Variants in HS1BP3 observed in about 807,000 individuals in gnomAD.
The protein encoded by HS1BP3 is HCLS1 binding protein 3.
In HS1BP3, 32 loss-of-function variants were observed where a neutral mutation model predicts 33.5. That is an observed-to-expected ratio of 0.95 (90% confidence interval 0.72 to 1.28). The LOEUF is 1.28. Among genes scored for constraint, HS1BP3 ranks in the 50% most tolerant of loss-of-function variants. HS1BP3 has a pLI of 0.00. For synonymous variants in HS1BP3, 187 were observed against 209.2 expected (o/e 0.89, Z 0.92); for missense variants, 486 against 502.3 (o/e 0.97, Z 0.31).
downstream of HS1BP3, among the ~76,000 whole-genome samples, chr2:20,614,789 C>T (rs557612246): frequency 2.0e-5 from 3 of 152,330 alleles, no homozygotes; most frequent in East Asian, 3.9e-4. Flanking sequence ...AATAAAGAGT[C>T]GGCTTACCGA....
Position 20,618,758 on chromosome 2 carries a change from T to A in HS1BP3, c.*229A>T. 5 of 1,355,230 alleles carry A rather than the reference T, an allele frequency of 3.7e-6. No homozygotes were observed. The highest frequency in any genetic ancestry group is 4.7e-6 in the Non-Finnish European group (5 of 1,057,114). 84.0% of individuals were successfully genotyped at this position (1,355,230 alleles called of 1,614,324 possible). Reference sequence around the variant, plus strand: ...CATGTCCACGGGGAATAAGACACATTGGGCTCTGGCTCCTAGGGTGAGAGC... The same window carrying A: ...CATGTCCACGGGGAATAAGACACATAGGGCTCTGGCTCCTAGGGTGAGAGC... On this transcript the variant is annotated 3_prime_UTR_variant, in exon 7 of 7. Transcript: ENST00000304031.
At chr2:20,580,884 G>A (rs1207302117) in intron 5 of HS1BP3, among the ~76,000 whole-genome samples, 1 of 152,214 alleles carries the variant, frequency 6.6e-6, no homozygotes, top group Non-Finnish European at 1.5e-5. Context: ...AGTGTGCATG[G>A]ACCATGTGAA....
At chr2:20,629,714 CATG>C (rs1468282030) in intron 4 of HS1BP3, among the ~76,000 whole-genome samples, 1 of 152,234 alleles carries the variant, frequency 6.6e-6, no homozygotes, top group Non-Finnish European at 1.5e-5. Flanking sequence ...GTTGCATGCA[CATG>C]TGTGCATGGA....
chr2:20,640,833 C>G (rs190571094), intron 3 of HS1BP3, 140 bp downstream of exon 3: 1 of 785,774 alleles, frequency 1.3e-6, no homozygotes, highest in South Asian at 1.6e-5. Context: ...AGGATGTCAG[C>G]GAGGCCACCT....
intron 5 of HS1BP3, among the ~76,000 whole-genome samples, chr2:20,584,788 T>C (rs191660351): frequency 1.1e-4 from 17 of 152,202 alleles, no homozygotes; most frequent in Non-Finnish European, 1.5e-5. Flanking sequence ...GCACACCACA[T>C]GTCTGTTCAC....
In HS1BP3 at chr2:20,610,204, A is replaced by T. The variant is rs868180313; in HGVS notation, c.179-11939T>A. On this transcript the variant is annotated intron_variant, in intron 2 of 3. Transcript: ENST00000415264. Reference sequence around the variant, plus strand: ...GACATTTACCAGTGAACCTACATGGACACATGGACGCCTCCTTATCACCCA... The same window carrying T: ...GACATTTACCAGTGAACCTACATGGTCACATGGACGCCTCCTTATCACCCA... Among the ~76,000 whole-genome samples the T allele has an allele frequency of 9.3e-4, 141 of 152,304 alleles. 1 individual carries two copies. The highest frequency in any genetic ancestry group is 3.2e-3 in the African/African-American group (131 of 41,562).
intron 5 of HS1BP3, among the ~76,000 whole-genome samples, chr2:20,570,554 A>C (rs1056326547): frequency 1.3e-5 from 2 of 152,214 alleles, no homozygotes; most frequent in Non-Finnish European, 2.9e-5. Flanking sequence ...TGCAGCCCCA[A>C]GGGCTCAGGA....
At chr2:20,650,966 C>T in intron 1 of HS1BP3, 66 bp downstream of exon 1, 3 of 1,213,250 alleles carry the variant, frequency 2.5e-6, no homozygotes, top group Middle Eastern at 3.1e-4. Flanking sequence ...CGGCCTCCCC[C>T]CGCCTCTCCG....
downstream of HS1BP3, among the ~76,000 whole-genome samples, chr2:20,559,145 G>C (rs11680924): frequency 0.7 from 107,071 of 152,144 alleles, 41,953 homozygotes; most frequent in Non-Finnish European, 0.86. Flanking sequence ...TGGGGCCAGA[G>C]AGGGAGAGGG....
Position 20,622,791 on chromosome 2 carries a change from G to A in HS1BP3, c.920+1105C>T, listed in dbSNP as rs1275227920. ...TCCCTCTAATAAAATAACAATCCTG[G>A]TTTCTTCCAGCCCGCTGGGATGTCA... On this transcript the variant is annotated intron_variant, in intron 6 of 6. Transcript: ENST00000304031. The A allele has an allele frequency of 1.8e-5, 3 of 169,076 alleles. No individual in the cohort carries two copies. The East Asian group carries it at 4.4e-4, about 25-fold the overall frequency. 10.5% of individuals were successfully genotyped at this position (169,076 alleles called of 1,614,324 possible). A position where few individuals can be genotyped will look rare whatever the true frequency, so the allele number is the denominator to read the frequency against.
At chr2:20,577,458 C>T (rs754770847) in intron 5 of HS1BP3, among the ~76,000 whole-genome samples, 3 of 152,162 alleles carry the variant, frequency 2.0e-5, no homozygotes. Flanking sequence ...ACAAGTGCAG[C>T]GATCTCCCAG....
chr2:20,586,759 C>G (rs1057353292), intron 5 of HS1BP3: 3 of 152,176 alleles, frequency 2.0e-5, no homozygotes, highest in African/African-American at 7.2e-5. Context: ...ATAAATCCAT[C>G]AAAACCTTGT....
chr2:20,572,110 C>T (rs1415448358), intron 5 of HS1BP3, among the ~76,000 whole-genome samples: 1 of 152,226 alleles, frequency 6.6e-6, no homozygotes, highest in African/African-American at 2.4e-5. Flanking sequence ...TTTCTGATGG[C>T]TCAAGAGCTG....
intron 6 of HS1BP3, among the ~76,000 whole-genome samples, chr2:20,620,258 G>A (rs897243773): frequency 1.3e-5 from 2 of 152,240 alleles, no homozygotes; most frequent in Admixed American, 1.3e-4. Context: ...TTTTACAGCT[G>A]AGAATACTGA....
rs565077351 is a variant in HS1BP3, at chr2:20,627,193, C to T, written c.624-2301G>A. Reference sequence around the variant, plus strand: ...GGTGGGGAAGGGTGGAGAGCCACCCCGGCCCCTACCCAGGTGGCAGCTCTC... The same window carrying T: ...GGTGGGGAAGGGTGGAGAGCCACCCTGGCCCCTACCCAGGTGGCAGCTCTC... On this transcript the variant is annotated intron_variant, in intron 4 of 6. Coordinates refer to ENST00000304031, the MANE Select transcript of HS1BP3 (RefSeq NM_022460.4). 3.3e-5 allele frequency among the ~76,000 whole-genome samples: 5 copies of T among 152,354 alleles called. No individual in the cohort carries two copies. The East Asian group carries it at 5.8e-4, about 18-fold the overall frequency.
chr2:20,603,414 G>A (rs1470921171), intron 2 of HS1BP3, among the ~76,000 whole-genome samples: 1 of 152,206 alleles, frequency 6.6e-6, no homozygotes, highest in Non-Finnish European at 1.5e-5. Context: ...AATGGCCCAG[G>A]TCTCCTGATA....
At chr2:20,567,790 C>G (rs1272483784) in intron 5 of HS1BP3, among the ~76,000 whole-genome samples, 1 of 152,216 alleles carries the variant, frequency 6.6e-6, no homozygotes, top group African/African-American at 2.4e-5. Flanking sequence ...GAGCTTCCCT[C>G]CTTAGGACCC....
At chr2:20,608,730 C>T (rs1694254224) in intron 2 of HS1BP3, among the ~76,000 whole-genome samples, 1 of 152,198 alleles carries the variant, frequency 6.6e-6, no homozygotes, top group Non-Finnish European at 1.5e-5. Flanking sequence ...CACCCTTGCT[C>T]ACTCTGCTGC....
chr2:20,618,738 C>G lies in HS1BP3; in HGVS notation c.*249G>C. ...CCCACACCCTCCCTCCCCTTCATGT[C>G]CACGGGGAATAAGACACATTGGGCT... is the stretch of plus-strand genomic sequence containing the variant. On this transcript the variant is annotated 3_prime_UTR_variant, in exon 7 of 7. Transcript: ENST00000304031. 7.7e-7 allele frequency: 1 copy of G among 1,300,944 alleles called. No homozygotes were observed. The highest frequency in any genetic ancestry group is 9.7e-7 in the Non-Finnish European group (1 of 1,025,766). 80.6% of individuals were successfully genotyped at this position (1,300,944 alleles called of 1,614,324 possible).
Sources: allele counts gnomAD v4.1 joint callset (sites outside exome capture counted in the v4.1 genomes callset), GRCh38; gene constraint gnomAD v4.1.1; transcripts MANE v1.5; gene names NCBI Gene and HGNC (gene_info 2026-07-23, HGNC 2026-07-21).